Variants in CRYBB2 observed in about 807,000 individuals in gnomAD.
CRYBB2 encodes beta-crystallin B2.
CRYBB2 carries 12 observed loss-of-function variants against 24.3 expected under a neutral mutation model. That is an observed-to-expected ratio of 0.49 (90% CI 0.32 to 0.80). The LOEUF (loss-of-function observed/expected upper bound fraction) is 0.80. Among genes scored for constraint, CRYBB2 ranks in the 30% least tolerant of loss-of-function variants. CRYBB2 has a pLI of 0.04. For synonymous variants in CRYBB2, 98 were observed against 101.6 expected (o/e 0.96, Z 0.21); for missense variants, 198 against 268.5 (o/e 0.74, Z 1.83).
intron 3 of CRYBB2, among the ~76,000 whole-genome samples, chr22:25,226,513 CTT>C (rs1935420893): frequency 2.0e-5 from 3 of 152,192 alleles, no homozygotes; most frequent in African/African-American, 7.2e-5. Flanking sequence ...TATGTCATTA[CTT>C]ACCATGGCTT....
At chr22:25,229,017 T>C (rs538330451) in intron 4 of CRYBB2, among the ~76,000 whole-genome samples, 10 of 144,710 alleles carry the variant, frequency 6.9e-5, no homozygotes, top group Non-Finnish European at 1.2e-4. Flanking sequence ...CAAGTGTGGG[T>C]GTGCACGTGT....
At chr22:25,218,034 C>T (rs967589963), upstream of CRYBB2, among the ~76,000 whole-genome samples, 13 of 149,986 alleles carry the variant, frequency 8.7e-5, no homozygotes, top group East Asian at 8.2e-4. Flanking sequence ...CCGAGACGGG[C>T]GGATAATGAG....
At chr22:25,217,136 A>G (rs4822578), upstream of CRYBB2, among the ~76,000 whole-genome samples, 73,661 of 151,288 alleles carry the variant, frequency 0.49, 18,408 homozygotes, top group East Asian at 0.83. Context: ...GGGCACGTGC[A>G]CAGAAGTGGA....
chr22:25,214,282 G>C (rs1163323697), intron 1 of CRYBB2, among the ~76,000 whole-genome samples: 3 of 152,200 alleles, frequency 2.0e-5, no homozygotes, highest in Non-Finnish European at 4.4e-5. Flanking sequence ...AGCCTGCATT[G>C]AGCTGTGATA....
chr22:25,227,756 G>C (rs1196919629), intron 3 of CRYBB2, 97 bp from the exon 4 acceptor site: 9 of 1,602,278 alleles, frequency 5.6e-6, no homozygotes, highest in Non-Finnish European at 6.0e-6. Flanking sequence ...GGCTGGGCAA[G>C]AGTGAACCCT....
Position 25,231,698 on chromosome 22 carries a change from C to T in CRYBB2, c.544C>T (p.Pro182Ser). 6.2e-7 allele frequency: 1 copy of T among 1,614,122 alleles called. No homozygotes were observed. Among genetic ancestry groups the T allele is most frequent in the East Asian group, 2.2e-5 (1 of 44,870 alleles). The change falls in exon 6 of 6, where the codon CCC becomes TCC. Residue 182 changes from proline (P) to serine (S), a missense_variant. By Grantham distance (74) the Pro-to-Ser change is moderately conservative. Coordinates refer to ENST00000398215, the MANE Select transcript of CRYBB2 (RefSeq NM_000496.3). Reference protein sequence around the residue: ...KDSSDFGAPHPQVQSVRRIRD... With the variant: ...KDSSDFGAPHSQVQSVRRIRD... ...CAGCAGCGACTTTGGGGCCCCTCAC[C>T]CCCAGGTGCAGTCCGTGCGCCGTAT...
At chr22:25,214,553 TAA>T (rs71681452) in intron 1 of CRYBB2, among the ~76,000 whole-genome samples, 4,037 of 152,210 alleles carry the variant, frequency 0.027, 189 homozygotes, top group African/African-American at 0.093. Flanking sequence ...TGAAAAGAAA[TAA>T]AAAGTCTTTT....
chr22:25,224,761 C>G (rs1049904869), intron 2 of CRYBB2, among the ~76,000 whole-genome samples, 157 bp from the exon 3 acceptor site: 1 of 152,142 alleles, frequency 6.6e-6, no homozygotes, highest in Non-Finnish European at 1.5e-5. Context: ...CTGCTTATAG[C>G]CAGAGCCAGG....
intron 5 of CRYBB2, among the ~76,000 whole-genome samples, chr22:25,230,683 C>CTCAT (rs200899061): frequency 0.35 from 49,519 of 139,886 alleles, 11,170 homozygotes; most frequent in African/African-American, 0.65. Flanking sequence ...CCTTCATTCC[C>CTCAT]TCATTCATTC....
In CRYBB2 at chr22:25,227,869, C is replaced by A. The variant is rs1209443899; in HGVS notation, c.190C>A (p.Gln64Lys). The A allele has an allele frequency of 1.9e-6, 3 of 1,614,016 alleles. No individual in the cohort carries two copies. Among genetic ancestry groups the A allele is most frequent in the Non-Finnish European group, 2.5e-6 (3 of 1,180,036 alleles). The change falls in exon 4 of 6, where the codon CAG (glutamine) becomes AAG (lysine). Residue 64 changes from glutamine (Q) to lysine (K), a missense_variant. Physicochemically the swap from Gln to Lys is moderately conservative, Grantham distance 53. Coordinates refer to ENST00000398215, the MANE Select transcript of CRYBB2 (RefSeq NM_000496.3). The part of the protein sequence containing the change: ...VQAGPWVGYE[Q>K]ANCKGEQFVF... ...CCATGGCAGCTGGGTGGGCTATGAA[C>A]AGGCCAACTGCAAGGGCGAGCAGTT... is the stretch of plus-strand genomic sequence containing the variant.
chr22:25,222,540 C>G (rs8141023), intron 2 of CRYBB2, among the ~76,000 whole-genome samples: 47,342 of 151,892 alleles, frequency 0.31, 8,626 homozygotes, highest in African/African-American at 0.51. Context: ...AAAGTTTGAG[C>G]CCAGCCTGGG....
At chr22:25,220,945 G>C (rs2146086850) in intron 1 of CRYBB2, among the ~76,000 whole-genome samples, 1 of 152,274 alleles carries the variant, frequency 6.6e-6, no homozygotes, top group South Asian at 2.1e-4. Context: ...AGGAGCAGGG[G>C]AACAGGGAAC....
intron 4 of CRYBB2, 92 bp downstream of exon 4, chr22:25,228,077 G>A (rs1164706812): frequency 4.4e-6 from 7 of 1,584,040 alleles, no homozygotes; most frequent in Non-Finnish European, 5.2e-6. Context: ...TGGGGACCAG[G>A]AAGGGGCCCG....
upstream of CRYBB2, among the ~76,000 whole-genome samples, chr22:25,215,521 C>T (rs1024742245): frequency 6.6e-6 from 1 of 152,168 alleles, no homozygotes; most frequent in African/African-American, 2.4e-5. Context: ...TTTCCCATTC[C>T]ACATCTCCAT....
chr22:25,218,798 GAA>G (rs1215275274), upstream of CRYBB2, among the ~76,000 whole-genome samples: 3 of 98,330 alleles, frequency 3.1e-5, no homozygotes, highest in Admixed American at 9.6e-5. Flanking sequence ...AAGAAAGAAA[GAA>G]AGAAAGAAAG....
chr22:25,226,954 G>A (rs146514735), intron 3 of CRYBB2, among the ~76,000 whole-genome samples: 4,218 of 152,182 alleles, frequency 0.028, 199 homozygotes, highest in African/African-American at 0.096. Flanking sequence ...GATTACAGGC[G>A]TGAGCCACAG....
At chr22:25,231,099 T>C (rs906632255) in intron 5 of CRYBB2, among the ~76,000 whole-genome samples, 1 of 152,112 alleles carries the variant, frequency 6.6e-6, no homozygotes, top group African/African-American at 2.4e-5. Context: ...AGGCAGGTCC[T>C]TGCAGGCCAG....
intron 3 of CRYBB2, among the ~76,000 whole-genome samples, chr22:25,226,121 A>T (rs2146090853): frequency 6.6e-6 from 1 of 151,830 alleles, no homozygotes; most frequent in East Asian, 1.9e-4. Flanking sequence ...TGTATTCACT[A>T]CTCAGAAGTA....
At chr22:25,220,978 A>G (rs1335443093) in intron 1 of CRYBB2, among the ~76,000 whole-genome samples, 2 of 152,302 alleles carry the variant, frequency 1.3e-5, no homozygotes, top group East Asian at 3.9e-4. Flanking sequence ...TAAACTGGGC[A>G]CCACCACACC....
Sources: allele counts gnomAD v4.1 joint callset (sites outside exome capture counted in the v4.1 genomes callset), GRCh38; gene constraint gnomAD v4.1.1; transcripts MANE v1.5; gene names NCBI Gene and HGNC (gene_info 2026-07-23, HGNC 2026-07-21).